Variants in CSMD3 observed in about 807,000 individuals in gnomAD.
The protein encoded by CSMD3 is CUB and sushi domain-containing protein 3.
A neutral mutation model predicts 435.2 loss-of-function variants in CSMD3; 177 were observed. The observed-to-expected ratio is 0.41, with a 90% confidence interval of 0.36 to 0.46. The LOEUF (loss-of-function observed/expected upper bound fraction) is 0.46. Among genes scored for constraint, CSMD3 ranks in the 20% least tolerant of loss-of-function variants. The pLI, the probability that CSMD3 is intolerant of heterozygous loss-of-function variation, is 0.34. For missense variants in CSMD3, 4,265 were observed against 4,504.6 expected, an observed-to-expected ratio of 0.95 and a Z score of 1.52; for synonymous variants, 1,656 against 1,520.5, an observed-to-expected ratio of 1.09 and a Z score of -2.07.
At chr8:112,479,239 T>A (rs1165329756) in intron 31 of CSMD3, among the ~76,000 whole-genome samples, 1 of 152,170 alleles carries the variant, frequency 6.6e-6, no homozygotes, top group East Asian at 1.9e-4. Context: ...ATCACTATAG[T>A]TAGCTACAGG....
rs1830794885 is a variant in CSMD3 at position 112,587,119 on chromosome 8, C to T, written c.3832G>A (p.Gly1278Arg). The change falls in exon 23 of 71, where the codon GGA becomes AGA. Residue 1278 changes from glycine to arginine, a missense_variant. Coordinates refer to ENST00000297405, the MANE Select transcript of CSMD3 (RefSeq NM_198123.2). ...AATGTTCTGGCTGAAATATTGATTCCCTTTCCTGCTTGAACCTGAATACTA... is the reference window on the plus strand; with the variant it reads ...AATGTTCTGGCTGAAATATTGATTCTCTTTCCTGCTTGAACCTGAATACTA... ...IYSIQVQAGK[G>R]INISARTFHL... The T allele has an allele frequency of 6.2e-7, 1 of 1,610,888 alleles. No individual in the cohort carries two copies. The highest frequency in any genetic ancestry group is 8.5e-7 in the Non-Finnish European group (1 of 1,178,000).
At chr8:113,012,304 A>AAT (rs953936655) in intron 6 of CSMD3, among the ~76,000 whole-genome samples, 3 of 151,676 alleles carry the variant, frequency 2.0e-5, no homozygotes, top group African/African-American at 4.8e-5. Context: ...ATACTATGAA[A>AAT]ATATATATAT....
At chr8:112,478,803 T>C (rs1030571118) in intron 31 of CSMD3, among the ~76,000 whole-genome samples, 1 of 152,208 alleles carries the variant, frequency 6.6e-6, no homozygotes, top group African/African-American at 2.4e-5. Context: ...TCTGTTCCTG[T>C]TCGCCTGCCC....
intron 5 of CSMD3, among the ~76,000 whole-genome samples, chr8:113,021,364 T>C (rs2086677653): frequency 6.6e-6 from 1 of 152,350 alleles, no homozygotes; most frequent in Non-Finnish European, 1.5e-5. Context: ...AATTATATTT[T>C]CAATTGAGTA....
intron 9 of CSMD3, among the ~76,000 whole-genome samples, chr8:112,924,641 A>T (rs1564110169): frequency 6.6e-6 from 1 of 151,568 alleles, no homozygotes; most frequent in African/African-American, 2.4e-5. Flanking sequence ...AAAATAATAA[A>T]TAACTGTTTT....
At chr8:112,993,675 G>C (rs2085537360) in intron 6 of CSMD3, among the ~76,000 whole-genome samples, 1 of 151,728 alleles carries the variant, frequency 6.6e-6, no homozygotes, top group Non-Finnish European at 1.5e-5. Flanking sequence ...ATATACAAAA[G>C]TAAATTGAGG....
chr8:112,928,050 T>C (rs1587691770), intron 9 of CSMD3, among the ~76,000 whole-genome samples: 1 of 152,256 alleles, frequency 6.6e-6, no homozygotes, highest in East Asian at 1.9e-4. Flanking sequence ...CCTCCAATAC[T>C]CAGCTTCAGA....
intron 1 of CSMD3, among the ~76,000 whole-genome samples, chr8:113,394,455 A>G (rs1200615479): frequency 6.6e-6 from 1 of 152,152 alleles, no homozygotes; most frequent in Non-Finnish European, 1.5e-5. Flanking sequence ...GATTTTATAC[A>G]TTTTAAATGA....
chr8:113,278,485 T>TTG, intron 3 of CSMD3, 107 bp downstream of exon 3: 1 of 694,424 alleles, frequency 1.4e-6, no homozygotes, highest in Non-Finnish European at 2.7e-6. Context: ...AGGACAAGAT[T>TTG]TGAGACAACA....
intron 27 of CSMD3, among the ~76,000 whole-genome samples, chr8:112,522,988 CAA>C (rs1175658417): frequency 1.3e-5 from 2 of 151,984 alleles, no homozygotes; most frequent in East Asian, 3.9e-4. Context: ...ATTGTGGTGA[CAA>C]GAGCAAAAGA....
chr8:113,100,030 T>G (rs1052205421), intron 4 of CSMD3, among the ~76,000 whole-genome samples: 2 of 152,106 alleles, frequency 1.3e-5, no homozygotes, highest in African/African-American at 4.8e-5. Context: ...GACAATATCT[T>G]TGTATTCAAT....
At chr8:112,289,794 A>G (rs929686) in intron 56 of CSMD3, among the ~76,000 whole-genome samples, 35,864 of 152,002 alleles carry the variant, frequency 0.24, 4,405 homozygotes, top group East Asian at 0.36. Flanking sequence ...CATTAAAAAT[A>G]ATTAAGTGAT....
chr8:113,031,335 T>C (rs1189853129), intron 5 of CSMD3, among the ~76,000 whole-genome samples: 1 of 151,690 alleles, frequency 6.6e-6, no homozygotes, highest in African/African-American at 2.4e-5. Context: ...AAACTACTGA[T>C]ATACACAACA....
rs531329430 is a variant in CSMD3 at position 112,811,559 on chromosome 8, T to C, written c.1860-11285A>G. On this transcript the variant is annotated intron_variant, in intron 12 of 70. Coordinates refer to ENST00000297405, the MANE Select transcript of CSMD3 (RefSeq NM_198123.2). ...CACTTGGCTCCATTATGTAACTTCT[T>C]GATTATTATAAAGATAGAAGTGTAT... Among the ~76,000 whole-genome samples the C allele has an allele frequency of 1.8e-4, 28 of 152,262 alleles. 1 individual carries two copies. In the South Asian group the frequency reaches 4.3e-3, roughly 24 times the overall value.
chr8:113,422,443 G>C (rs577119859), intron 1 of CSMD3, among the ~76,000 whole-genome samples: 2 of 152,234 alleles, frequency 1.3e-5, no homozygotes, highest in Non-Finnish European at 2.9e-5. Flanking sequence ...TCATTTGTTT[G>C]TATCTTACAG....
chr8:112,937,945 C>G (rs1288886058), intron 9 of CSMD3, among the ~76,000 whole-genome samples: 3 of 152,034 alleles, frequency 2.0e-5, no homozygotes, highest in Non-Finnish European at 4.4e-5. Flanking sequence ...AAAAGAAGCA[C>G]ACAAGTAAAT....
rs776080385 is a variant in CSMD3 at position 112,859,131 on chromosome 8, TG to T, written c.1755+13del. The T allele has an allele frequency of 1.6e-5, 25 of 1,607,236 alleles. No individual in the cohort carries two copies. Among genetic ancestry groups the T allele is most frequent in the African/African-American group, 2.7e-5 (2 of 74,696 alleles). The stretch of plus-strand genomic sequence containing the variant: ...TATGACTTTTTTTTTAAATCACAGA[TG>T]GTGTTCTCTTACCTTATTTGTATTC... On this transcript the variant is annotated intron_variant, in intron 11 of 70. Coordinates refer to ENST00000297405, the MANE Select transcript of CSMD3 (RefSeq NM_198123.2).
chr8:113,356,460 G>T (rs2094228789), intron 1 of CSMD3, among the ~76,000 whole-genome samples: 1 of 152,022 alleles, frequency 6.6e-6, no homozygotes, highest in Non-Finnish European at 1.5e-5. Flanking sequence ...AAACAAGGAA[G>T]ATTTCTACCT....
At chr8:112,903,251 A>C (rs906577106) in intron 10 of CSMD3, among the ~76,000 whole-genome samples, 1 of 150,436 alleles carries the variant, frequency 6.6e-6, no homozygotes, top group Non-Finnish European at 1.5e-5. Context: ...TTGTTGTTGG[A>C]CTCAAATATT....
Sources: allele counts gnomAD v4.1 joint callset (sites outside exome capture counted in the v4.1 genomes callset), GRCh38; gene constraint gnomAD v4.1.1; transcripts MANE v1.5; gene names NCBI Gene and HGNC (gene_info 2026-07-23, HGNC 2026-07-21).